Variants in ACBD6 observed in about 807,000 individuals in gnomAD.
ACBD6 encodes acyl-CoA binding domain containing 6, also known as acyl-CoA-binding domain-containing protein 6.
Under a neutral mutation model 37.2 loss-of-function variants are expected in ACBD6, and 28 were observed. That is an observed-to-expected ratio of 0.75 (90% CI 0.56 to 1.03). The LOEUF (loss-of-function observed/expected upper bound fraction) is 1.03, where lower values mean the gene tolerates loss of function less well. Ranked by LOEUF, ACBD6 falls within the 50% of genes least tolerant of loss-of-function variation. The pLI, the probability that ACBD6 is intolerant of heterozygous loss-of-function variation, is 0.00. For synonymous variants in ACBD6, 113 were observed against 126.8 expected, an observed-to-expected ratio of 0.89 and a Z score of 0.73; for missense variants, 340 against 337.4, an observed-to-expected ratio of 1.01 and a Z score of -0.06.
At chr1:180,284,063 C>A (rs1162498083), downstream of ACBD6, among the ~76,000 whole-genome samples, 5 of 152,150 alleles carry the variant, frequency 3.3e-5, no homozygotes, top group African/African-American at 1.2e-4. Flanking sequence ...AGGAATATTT[C>A]AAGGACAAGT....
chr1:180,482,443 G>A (rs1188179854), intron 3 of ACBD6, among the ~76,000 whole-genome samples: 1 of 151,822 alleles, frequency 6.6e-6, no homozygotes, highest in Non-Finnish European at 1.5e-5. Flanking sequence ...GATCAGTGAG[G>A]TGAAGAGAAA....
intron 6 of ACBD6, among the ~76,000 whole-genome samples, chr1:180,372,601 C>T (rs1011170586): frequency 1.3e-4 from 20 of 152,098 alleles, no homozygotes; most frequent in African/African-American, 4.1e-4. Flanking sequence ...GATTAATCAA[C>T]GTCGCAAATC....
intron 6 of ACBD6, among the ~76,000 whole-genome samples, chr1:180,387,839 G>C (rs1203810837): frequency 6.6e-6 from 1 of 152,056 alleles, no homozygotes; most frequent in Non-Finnish European, 1.5e-5. Context: ...TCTGGGTTGT[G>C]GGCTTCTCCA....
rs190182973 is a variant in ACBD6 at position 180,387,204 on chromosome 1, C to A, written c.663+10312G>T. On this transcript the variant is annotated intron_variant, in intron 6 of 7. Coordinates refer to ENST00000367595, the MANE Select transcript of ACBD6 (RefSeq NM_032360.4). ...TCCACACTGTAGTTCAGTTCTCAAC[C>A]CTTCTGTCATGTTAATTTTGGTCAG... 2.6e-5 allele frequency among the ~76,000 whole-genome samples: 4 copies of A among 152,194 alleles called. 1 individual carries two copies. Among genetic ancestry groups the A allele is most frequent in the Admixed American group, 2.6e-4 (4 of 15,290 alleles).
chr1:180,295,221 TC>T (rs1458262497), intron 7 of ACBD6, among the ~76,000 whole-genome samples: 1 of 152,174 alleles, frequency 6.6e-6, no homozygotes, highest in Non-Finnish European at 1.5e-5. Flanking sequence ...TTTCTTCTTT[TC>T]TAATAGTATT....
chr1:180,446,362 A>G (rs1261791007), intron 3 of ACBD6, among the ~76,000 whole-genome samples: 1 of 152,134 alleles, frequency 6.6e-6, no homozygotes, highest in Admixed American at 6.5e-5. Flanking sequence ...TAGTTCAAAG[A>G]GAAAACTTTA....
intron 6 of ACBD6, among the ~76,000 whole-genome samples, chr1:180,390,872 T>C (rs1268294315): frequency 1.3e-5 from 2 of 152,094 alleles, no homozygotes; most frequent in African/African-American, 2.4e-5. Flanking sequence ...GGGCCCAGAA[T>C]AGCCAAAACA....
chr1:180,321,696 T>C (rs778907914), intron 6 of ACBD6, among the ~76,000 whole-genome samples: 4 of 152,114 alleles, frequency 2.6e-5, no homozygotes, highest in Non-Finnish European at 5.9e-5. Flanking sequence ...ATGCTACTGA[T>C]TTTTGTATGT....
At chr1:180,427,220 T>C (rs1346925710) in intron 4 of ACBD6, among the ~76,000 whole-genome samples, 1 of 152,194 alleles carries the variant, frequency 6.6e-6, no homozygotes, top group Non-Finnish European at 1.5e-5. Context: ...TAGATAGTGA[T>C]TTGCCTGATC....
chr1:180,397,234 G>A (rs146067859), intron 6 of ACBD6, among the ~76,000 whole-genome samples: 2 of 152,212 alleles, frequency 1.3e-5, no homozygotes, highest in Non-Finnish European at 2.9e-5. Flanking sequence ...ATCCAGAATA[G>A]GCAAATCTAT....
rs1186863071 is a variant in ACBD6, at chr1:180,288,400, G to T, written c.812C>A (p.Ser271Tyr). The change falls in exon 8 of 8, where the codon TCT becomes TAT. Residue 271 changes from serine (S) to tyrosine (Y), a missense_variant. Coordinates refer to ENST00000367595, the MANE Select transcript of ACBD6 (RefSeq NM_032360.4). ...AGTTGTGTGCCGCTGCAGCACCAAA[G>T]AAACTGTTTTGCAGCCTGTCACCTC... The part of the protein sequence containing the change: ...PEEVTGCKTV[S>Y]LVLQRHTTGK... 7.4e-6 allele frequency: 12 copies of T among 1,613,708 alleles called. No homozygotes were observed. The highest frequency in any genetic ancestry group is 2.2e-5 in the South Asian group (2 of 91,062).
At chr1:180,449,133 T>C (rs1457365543) in intron 3 of ACBD6, among the ~76,000 whole-genome samples, 1 of 152,168 alleles carries the variant, frequency 6.6e-6, no homozygotes, top group Non-Finnish European at 1.5e-5. Flanking sequence ...CATGCAACTA[T>C]CTTAGTTGCA....
chr1:180,327,018 T>C (rs1465431888), intron 6 of ACBD6, among the ~76,000 whole-genome samples: 1 of 152,162 alleles, frequency 6.6e-6, no homozygotes, highest in Non-Finnish European at 1.5e-5. Flanking sequence ...TTTGTTGCCC[T>C]AGCTGATGTC....
intron 6 of ACBD6, among the ~76,000 whole-genome samples, chr1:180,315,248 C>G (rs1044102778): frequency 1.3e-5 from 2 of 152,130 alleles, no homozygotes; most frequent in Non-Finnish European, 2.9e-5. Flanking sequence ...TACAAAGTCC[C>G]AGAAGTTGTT....
chr1:180,375,336 C>CT (rs1212944185), intron 6 of ACBD6, among the ~76,000 whole-genome samples: 114 of 150,536 alleles, frequency 7.6e-4, no homozygotes, highest in Middle Eastern at 3.4e-3. Context: ...AGGGAACAGA[C>CT]TGTTTTTTTT....
At chr1:180,331,936 A>G (rs1456285347) in intron 6 of ACBD6, among the ~76,000 whole-genome samples, 1 of 152,224 alleles carries the variant, frequency 6.6e-6, no homozygotes, top group Non-Finnish European at 1.5e-5. Context: ...TCTAAAATAT[A>G]TGATGTCTAA....
intron 6 of ACBD6, among the ~76,000 whole-genome samples, chr1:180,373,229 C>T (rs894887694): frequency 6.6e-6 from 1 of 152,146 alleles, no homozygotes; most frequent in Non-Finnish European, 1.5e-5. Flanking sequence ...TATTTCTTTT[C>T]ATTCACTGAA....
At chr1:180,325,878 T>C (rs540454512) in intron 6 of ACBD6, among the ~76,000 whole-genome samples, 4 of 152,308 alleles carry the variant, frequency 2.6e-5, no homozygotes, top group East Asian at 3.9e-4. Context: ...CCCAAACAAA[T>C]GGAGTCTCTC....
chr1:180,468,220 G>T (rs1167865931), intron 3 of ACBD6, among the ~76,000 whole-genome samples: 1 of 152,206 alleles, frequency 6.6e-6, no homozygotes, highest in Middle Eastern at 3.2e-3. Flanking sequence ...GGCAAAGTTT[G>T]CCTCTTGAAC....
Sources: gnomAD v4.1 joint callset for allele counts (sites outside exome capture counted in the v4.1 genomes callset) on GRCh38, gnomAD v4.1.1 for gene constraint, MANE v1.5 for transcripts, NCBI Gene and HGNC (gene_info 2026-07-23, HGNC 2026-07-21) for gene names.